FRMPD4: variants seen among roughly 807,000 people sequenced by gnomAD.
The protein encoded by FRMPD4 is FERM and PDZ domain-containing protein 4.
FRMPD4 carries 22 observed loss-of-function variants against 94.1 expected under a neutral mutation model. The ratio of observed to expected loss-of-function variants is 0.23; its 90% CI spans 0.17 to 0.33. The LOEUF (loss-of-function observed/expected upper bound fraction) is 0.33. Ranked by LOEUF, FRMPD4 falls within the 10% of genes least tolerant of loss-of-function variation. The pLI, the probability that FRMPD4 is intolerant of heterozygous loss-of-function variation, is 1.00. For missense variants in FRMPD4, 1,111 were observed against 1,339.9 expected, an observed-to-expected ratio of 0.83 and a Z score of 2.67; for synonymous variants, 631 against 548.6, an observed-to-expected ratio of 1.15 and a Z score of -2.10.
At chrX:11,851,098 G>T (rs781102444) in intron 1 of FRMPD4, among the ~76,000 whole-genome samples, 2 of 111,913 alleles carry the variant, frequency 1.8e-5, no homozygotes, top group Admixed American at 9.5e-5. Context: ...TGGCACAGGT[G>T]GGGTGGAAAG....
In FRMPD4 at chrX:12,609,887, C is replaced by T; in HGVS notation, c.319+6C>T. On this transcript the variant is annotated splice_donor_region_variant and intron_variant, in intron 3 of 16. Transcript: ENST00000675598. ...CGTTCGCTCAGTAACACCAGGTAAG[C>T]ACCCAATCCCAGTTCTTGGTTTCCT... The T allele has an allele frequency of 8.3e-7, 1 of 1,200,716 alleles. No individual in the cohort carries two copies. The highest frequency in any genetic ancestry group is 1.1e-6 in the Non-Finnish European group (1 of 886,380).
chrX:12,272,228 A>C (rs759926856), intron 1 of FRMPD4, among the ~76,000 whole-genome samples: 2 of 112,142 alleles, frequency 1.8e-5, no homozygotes, highest in East Asian at 5.5e-4. Flanking sequence ...ATGATTGGGC[A>C]TTTGGGAATA....
In FRMPD4 at chrX:12,276,981, CG is replaced by C. The variant is rs1485555229; in HGVS notation, c.41+137970del. Among the ~76,000 whole-genome samples, 8 of 106,257 alleles carry C rather than the reference CG, an allele frequency of 7.5e-5. No individual in the cohort carries two copies. The East Asian group carries it at 2.4e-3, about 31-fold the overall frequency. 92.3% of individuals were successfully genotyped at this position (106,257 alleles called of 115,157 possible). A position where few individuals can be genotyped will look rare whatever the true frequency, so the allele number is the denominator to read the frequency against. ...CTAAAAATACAAAAAATTAGCCGGG[CG>C]TAGTGGCGGGCGCCTGTAGTCCCAG... On this transcript the variant is annotated intron_variant, in intron 1 of 16. Coordinates refer to ENST00000675598, the MANE Select transcript of FRMPD4 (RefSeq NM_001368397.1).
At chrX:11,959,113 C>G (rs970983541) in intron 3 of FRMPD4, among the ~76,000 whole-genome samples, 1 of 112,644 alleles carries the variant, frequency 8.9e-6, no homozygotes, top group African/African-American at 3.2e-5. Flanking sequence ...ATAAGTGAAG[C>G]AGGCACATCT....
chrX:12,517,771 T>C (rs151235278), intron 2 of FRMPD4, among the ~76,000 whole-genome samples: 2,143 of 112,569 alleles, frequency 0.019, 60 homozygotes, highest in African/African-American at 0.064. Context: ...CACACTAATC[T>C]GGTGTGCCGG....
chrX:12,301,969 A>G (rs1376103793), intron 1 of FRMPD4, among the ~76,000 whole-genome samples: 1 of 112,059 alleles, frequency 8.9e-6, no homozygotes, highest in Non-Finnish European at 1.9e-5. Flanking sequence ...CTGTCTCCAC[A>G]CAGCAGAGTA....
intron 2 of FRMPD4, among the ~76,000 whole-genome samples, chrX:12,587,645 AGTGTGTGTGT>A (rs56902110): frequency 0.053 from 5,460 of 103,878 alleles, 353 homozygotes; most frequent in African/African-American, 0.18. Context: ...TTCCATTATG[AGTGTGTGTGT>A]GTGTGTGTGT....
intron 4 of FRMPD4, among the ~76,000 whole-genome samples, chrX:12,640,482 A>G (rs1050639433): frequency 3.6e-5 from 4 of 111,009 alleles, no homozygotes; most frequent in Non-Finnish European, 7.6e-5. Flanking sequence ...TTGAAAAAGA[A>G]ATGAGGAATC....
chrX:12,122,701 G>A (rs1362905012), intron 3 of FRMPD4, among the ~76,000 whole-genome samples: 3 of 109,991 alleles, frequency 2.7e-5, no homozygotes, highest in African/African-American at 9.9e-5. Context: ...TACTTTATAA[G>A]GTTTGCCAAT....
chrX:11,881,069 G>A (rs1053759704), intron 3 of FRMPD4, among the ~76,000 whole-genome samples: 2 of 112,460 alleles, frequency 1.8e-5, no homozygotes, highest in Admixed American at 9.4e-5. Flanking sequence ...TGAAGACAAA[G>A]TTACAATGAG....
chrX:12,545,768 T>G (rs719918), intron 2 of FRMPD4, among the ~76,000 whole-genome samples: 46,044 of 111,593 alleles, frequency 0.41, 7,812 homozygotes, highest in Non-Finnish European at 0.55. Flanking sequence ...GCAGATGGCA[T>G]GAAGTAATCT....
chrX:12,404,549 A>T, intron 1 of FRMPD4, among the ~76,000 whole-genome samples: 1 of 111,860 alleles, frequency 8.9e-6, no homozygotes, highest in East Asian at 2.8e-4. Context: ...GTCTGGGTAA[A>T]GTCCAAATAA....
chrX:12,411,147 T>C (rs941899220), intron 1 of FRMPD4, among the ~76,000 whole-genome samples: 3 of 111,386 alleles, frequency 2.7e-5, no homozygotes, highest in Admixed American at 1.9e-4. Flanking sequence ...CTATTGTCTC[T>C]GAGATTTTCT....
chrX:11,825,476 CT>C (rs1367205153), intron 1 of FRMPD4, among the ~76,000 whole-genome samples: 2 of 110,372 alleles, frequency 1.8e-5, no homozygotes, highest in Non-Finnish European at 1.9e-5. Flanking sequence ...CCTTTTAAGT[CT>C]TCTCACTTCA....
chrX:12,071,501 T>A (rs1253962378), intron 3 of FRMPD4, among the ~76,000 whole-genome samples: 2 of 111,960 alleles, frequency 1.8e-5, no homozygotes, highest in Non-Finnish European at 3.8e-5. Context: ...AGATGTTTAC[T>A]CTTATTAGAT....
chrX:12,600,214 A>T (rs914293152), intron 2 of FRMPD4, among the ~76,000 whole-genome samples: 1 of 110,412 alleles, frequency 9.1e-6, no homozygotes, highest in Non-Finnish European at 1.9e-5. Flanking sequence ...TAGATCATGA[A>T]ATACCATTTT....
At chrX:11,865,976 G>A (rs1183738475) in intron 2 of FRMPD4, among the ~76,000 whole-genome samples, 4 of 111,739 alleles carry the variant, frequency 3.6e-5, no homozygotes, top group African/African-American at 9.8e-5. Context: ...GAGTTTTAAA[G>A]GTCTAATTGG....
At chrX:12,385,984 A>T (rs756616650) in intron 1 of FRMPD4, among the ~76,000 whole-genome samples, 3 of 112,513 alleles carry the variant, frequency 2.7e-5, no homozygotes, top group African/African-American at 9.7e-5. Flanking sequence ...GAATGTGCAC[A>T]AATAAGCAGA....
At chrX:12,168,707 G>T (rs1378601710) in intron 1 of FRMPD4, among the ~76,000 whole-genome samples, 2 of 95,257 alleles carry the variant, frequency 2.1e-5, no homozygotes, top group Non-Finnish European at 4.0e-5. Flanking sequence ...CTCACTGCCA[G>T]CTCCGCCTCC....
Sources: allele counts gnomAD v4.1 joint callset (sites outside exome capture counted in the v4.1 genomes callset), GRCh38; gene constraint gnomAD v4.1.1; transcripts MANE v1.5; gene names NCBI Gene and HGNC (gene_info 2026-07-23, HGNC 2026-07-21).